FGD4: variants seen among roughly 807,000 people sequenced by gnomAD.
FGD4 encodes FYVE, RhoGEF and PH domain-containing protein 4.
A neutral mutation model predicts 102.0 loss-of-function variants in FGD4; 42 were observed. The observed-to-expected ratio is 0.41, with a 90% CI of 0.32 to 0.53. The LOEUF is 0.53. FGD4 is among the 20% of genes least tolerant of loss of function. The pLI is 0.21. For missense variants in FGD4, 902 were observed against 1,078.2 expected, an observed-to-expected ratio of 0.84 and a Z score of 2.29; for synonymous variants, 380 against 375.7, an observed-to-expected ratio of 1.01 and a Z score of -0.13.
At chr12:32,437,910 T>A (rs961965137) in intron 1 of FGD4, among the ~76,000 whole-genome samples, 1 of 152,194 alleles carries the variant, frequency 6.6e-6, no homozygotes, top group African/African-American at 2.4e-5. Context: ...ATCTTTTCTT[T>A]GAGACAGAGT....
intron 4 of FGD4, among the ~76,000 whole-genome samples, chr12:32,584,884 A>G (rs1311428395): frequency 6.6e-6 from 1 of 152,100 alleles, no homozygotes; most frequent in East Asian, 1.9e-4. Flanking sequence ...GCATTTCCCA[A>G]ATGCCCATAG....
intron 11 of FGD4, among the ~76,000 whole-genome samples, chr12:32,622,569 T>C (rs953041403): frequency 1.3e-5 from 2 of 152,236 alleles, no homozygotes; most frequent in African/African-American, 4.8e-5. Flanking sequence ...AAGATCTGAA[T>C]TAAGTGATTA....
chr12:32,432,926 T>G (rs143648832), intron 1 of FGD4, among the ~76,000 whole-genome samples: 1 of 152,316 alleles, frequency 6.6e-6, no homozygotes, highest in Admixed American at 6.5e-5. Flanking sequence ...CTAGTTTACA[T>G]AGAAACTTTA....
intron 11 of FGD4, among the ~76,000 whole-genome samples, chr12:32,620,520 C>CTTTCTTTCTTTCTT (rs1949747434): frequency 8.8e-5 from 8 of 91,134 alleles, no homozygotes; most frequent in African/African-American, 3.7e-4. Flanking sequence ...TTTTTTCTTT[C>CTTTCTTTCTTTCTT]TTTTTTTTTT....
At chr12:32,571,353 G>C (rs1945646239) in intron 2 of FGD4, among the ~76,000 whole-genome samples, 1 of 151,980 alleles carries the variant, frequency 6.6e-6, no homozygotes, top group South Asian at 2.1e-4. Context: ...TACTCTTGAG[G>C]CTGAGGCACA....
At chr12:32,463,387 G>C (rs536396380) in intron 1 of FGD4, among the ~76,000 whole-genome samples, 2 of 152,308 alleles carry the variant, frequency 1.3e-5, no homozygotes, top group South Asian at 4.1e-4. Context: ...AGTCACCTTT[G>C]TTGTGGATTA....
intron 1 of FGD4, among the ~76,000 whole-genome samples, chr12:32,518,307 C>T (rs536912152): frequency 2.0e-5 from 3 of 152,104 alleles, no homozygotes; most frequent in Admixed American, 6.5e-5. Context: ...GGAGAAACCC[C>T]GTCTCTACTA....
At chr12:32,622,606 T>A (rs753977831) in intron 11 of FGD4, among the ~76,000 whole-genome samples, 1 of 152,238 alleles carries the variant, frequency 6.6e-6, no homozygotes, top group Non-Finnish European at 1.5e-5. Context: ...TCATGCTCTT[T>A]TTTGAGGCAG....
intron 1 of FGD4, among the ~76,000 whole-genome samples, chr12:32,563,081 C>T (rs1451156258): frequency 2.0e-5 from 3 of 147,590 alleles, no homozygotes; most frequent in African/African-American, 7.4e-5. Context: ...GGCGGCTGGC[C>T]GGGCGGGGGG....
intron 1 of FGD4, among the ~76,000 whole-genome samples, chr12:32,520,286 C>G (rs1389393204): frequency 6.6e-6 from 1 of 152,052 alleles, no homozygotes; most frequent in African/African-American, 2.4e-5. Flanking sequence ...AATACAAGAG[C>G]TTTAAAGAGA....
chr12:32,400,913 TGTA>T (rs902131534), intron 1 of FGD4, among the ~76,000 whole-genome samples: 6 of 152,200 alleles, frequency 3.9e-5, no homozygotes, highest in Admixed American at 6.5e-5. Context: ...GTTCTGAACT[TGTA>T]GTAGGCATAG....
chr12:32,462,027 T>C (rs1456111817), intron 1 of FGD4, among the ~76,000 whole-genome samples: 1 of 152,016 alleles, frequency 6.6e-6, no homozygotes, highest in African/African-American at 2.4e-5. Context: ...GCCTGGCTTT[T>C]GTAACAGTTT....
chr12:32,521,063 C>T (rs1210494991), intron 1 of FGD4, among the ~76,000 whole-genome samples: 4 of 152,084 alleles, frequency 2.6e-5, no homozygotes, highest in East Asian at 1.9e-4. Context: ...TAATAATGAA[C>T]AGGACAGACA....
intron 5 of FGD4, among the ~76,000 whole-genome samples, chr12:32,599,351 G>A (rs986801679): frequency 6.9e-6 from 1 of 144,818 alleles, no homozygotes; most frequent in Non-Finnish European, 1.5e-5. Context: ...AAAATTAGCC[G>A]GGCGTGGTAG....
intron 1 of FGD4, among the ~76,000 whole-genome samples, chr12:32,502,736 TTTAA>T (rs1338098658): frequency 3.3e-5 from 5 of 152,234 alleles, no homozygotes; most frequent in Admixed American, 1.3e-4. Flanking sequence ...TAGGTTATGA[TTTAA>T]TTAATGATTA....
chr12:32,460,495 C>T (rs1484687728), intron 1 of FGD4, among the ~76,000 whole-genome samples: 1 of 138,168 alleles, frequency 7.2e-6, no homozygotes, highest in African/African-American at 2.5e-5. Flanking sequence ...ACAGTGAGAC[C>T]CGGTCTCAAA....
At chr12:32,430,300 T>C (rs1295654251) in intron 1 of FGD4, among the ~76,000 whole-genome samples, 1 of 151,538 alleles carries the variant, frequency 6.6e-6, no homozygotes, top group Non-Finnish European at 1.5e-5. Context: ...AAAGTGAGAC[T>C]CTGTCTCAAA....
chr12:32,445,608 A>G (rs79926085), intron 1 of FGD4, among the ~76,000 whole-genome samples: 5,814 of 152,312 alleles, frequency 0.038, 174 homozygotes, highest in South Asian at 0.12. Context: ...GCCTCTGTGC[A>G]TTGGCTATTT....
intron 4 of FGD4, among the ~76,000 whole-genome samples, chr12:32,593,905 A>T (rs1299060739): frequency 6.6e-6 from 1 of 152,190 alleles, no homozygotes; most frequent in African/African-American, 2.4e-5. Flanking sequence ...ATGTATTTCA[A>T]ATGAATTTTG....
Sources: gnomAD v4.1 joint callset for allele counts (sites outside exome capture counted in the v4.1 genomes callset) on GRCh38, gnomAD v4.1.1 for gene constraint, MANE v1.5 for transcripts, NCBI Gene and HGNC (gene_info 2026-07-23, HGNC 2026-07-21) for gene names.